The following PLCB1 variants were observed in gnomAD, a reference collection of about 807,000 sequenced individuals.
The protein encoded by PLCB1 is phospholipase C beta 1.
PLCB1 carries 46 observed loss-of-function variants against 161.8 expected under a neutral mutation model. That is an observed-to-expected ratio of 0.28 (90% CI 0.22 to 0.36). The LOEUF is 0.36. Ranked by LOEUF, PLCB1 falls within the 10% of genes least tolerant of loss-of-function variation. The pLI is 1.00. For missense variants in PLCB1, 1,016 were observed against 1,472.5 expected, an observed-to-expected ratio of 0.69 and a Z score of 5.07; for synonymous variants, 517 against 503.7, an observed-to-expected ratio of 1.03 and a Z score of -0.35.
At chr20:8,575,427 G>A (rs1321554668) in intron 3 of PLCB1, among the ~76,000 whole-genome samples, 1 of 152,166 alleles carries the variant, frequency 6.6e-6, no homozygotes, top group Admixed American at 6.5e-5. Context: ...CATAGACAGA[G>A]CCCATATGAC....
At chr20:8,724,281 C>CTA (rs1474428469) in intron 15 of PLCB1, among the ~76,000 whole-genome samples, 3 of 152,010 alleles carry the variant, frequency 2.0e-5, no homozygotes, top group Non-Finnish European at 4.4e-5. Context: ...GGAAGATGAG[C>CTA]TATAGCTCAG....
chr20:8,694,683 T>C (rs1990549280), intron 10 of PLCB1, among the ~76,000 whole-genome samples: 1 of 152,242 alleles, frequency 6.6e-6, no homozygotes, highest in African/African-American at 2.4e-5. Flanking sequence ...TTCTTCACAC[T>C]ATCCTTACTA....
rs769913295 is a variant in PLCB1 at position 8,750,933 on chromosome 20, CTTTTTTT to C, written c.2524-6099_2524-6093del. 2.4e-3 allele frequency: 1,004 copies of C among 413,578 alleles called. 9 individuals are homozygous for C. The African/African-American group carries it at 0.028, about 11-fold the overall frequency. 25.6% of individuals were successfully genotyped at this position (413,578 alleles called of 1,614,324 possible). A position where few individuals can be genotyped will look rare whatever the true frequency, so the allele number is the denominator to read the frequency against. ...GTCATAAGGTAAAAAGAACTGCACTCTTTTTTTTTTTTTTTTTTTTGAGACGGAGTCT... is the reference window on the plus strand; with the variant it reads ...GTCATAAGGTAAAAAGAACTGCACTCTTTTTTTTTTTTTGAGACGGAGTCT... On this transcript the variant is annotated intron_variant, in intron 23 of 31. Coordinates refer to ENST00000338037, the MANE Select transcript of PLCB1 (RefSeq NM_015192.4).
intron 1 of PLCB1, among the ~76,000 whole-genome samples, chr20:8,133,103 C>A (rs1180211818): frequency 1.3e-5 from 2 of 152,102 alleles, no homozygotes; most frequent in Non-Finnish European, 2.9e-5. Context: ...CTGGAAAGCG[C>A]CTGGTGTGAA....
rs1983421410 is a variant in PLCB1, at chr20:8,292,329, T to G, written c.178-79053T>G. On this transcript the variant is annotated intron_variant, in intron 2 of 31. Coordinates refer to ENST00000338037, the MANE Select transcript of PLCB1 (RefSeq NM_015192.4). ...AATGTCTGGTAATAGGCTTATTTGT[T>G]ACCTTAAACATATTTGTTCAAGCAC... Among the ~76,000 whole-genome samples the G allele has an allele frequency of 2.6e-5, 4 of 152,144 alleles. No individual in the cohort carries two copies. In the South Asian group the frequency reaches 6.2e-4, roughly 24 times the overall value.
intron 9 of PLCB1, among the ~76,000 whole-genome samples, chr20:8,676,105 C>A (rs1054163257): frequency 6.6e-6 from 1 of 152,260 alleles, no homozygotes; most frequent in Non-Finnish European, 1.5e-5. Context: ...CGCGGCGGCT[C>A]CCGCCTGCGA....
At chr20:8,831,504 A>G (rs1413736104) in intron 31 of PLCB1, 1 of 152,238 alleles carries the variant, frequency 6.6e-6, no homozygotes, top group Non-Finnish European at 1.5e-5. Flanking sequence ...AGTGGAGTCC[A>G]TCACTAAGAC....
chr20:8,167,618 G>T (rs1028760828), intron 2 of PLCB1, among the ~76,000 whole-genome samples: 2 of 152,152 alleles, frequency 1.3e-5, no homozygotes, highest in African/African-American at 4.8e-5. Flanking sequence ...AGATAGTGAC[G>T]TAGTTGAATG....
At chr20:8,147,849 T>G (rs1046385456) in intron 1 of PLCB1, among the ~76,000 whole-genome samples, 1 of 151,620 alleles carries the variant, frequency 6.6e-6, no homozygotes, top group Non-Finnish European at 1.5e-5. Context: ...TAGAACAGTG[T>G]TCCTAAATAT....
chr20:8,829,336 A>G lies in PLCB1; in HGVS notation c.3423+39075A>G, dbSNP rs189600287. ...GCACAAATGCAAGTTCCCAGTTCCC[A>G]TCTCCTCAGTGTGTGCCCGCTGACC... On this transcript the variant is annotated intron_variant, in intron 31 of 31. Coordinates refer to ENST00000338037, the MANE Select transcript of PLCB1 (RefSeq NM_015192.4). Among the ~76,000 whole-genome samples the G allele has an allele frequency of 1.8e-3, 273 of 152,234 alleles. 1 individual carries two copies. The highest frequency in any genetic ancestry group is 3.9e-3 in the Admixed American group (60 of 15,292).
At chr20:8,539,633 T>TTTCTTTCTTTCTTTCTTTCTTTCC (rs1985205331) in intron 3 of PLCB1, among the ~76,000 whole-genome samples, 2 of 87,198 alleles carry the variant, frequency 2.3e-5, no homozygotes, top group African/African-American at 9.8e-5. Flanking sequence ...TCTTTCTTTC[T>TTTCTTTCTTTCTTTCTTTCTTTCC]TTCTTTCTTT....
chr20:8,630,639 A>G (rs1988556248), intron 4 of PLCB1, among the ~76,000 whole-genome samples: 1 of 152,218 alleles, frequency 6.6e-6, no homozygotes, highest in Non-Finnish European at 1.5e-5. Flanking sequence ...ACAGATTCTA[A>G]GTGTTTGCAA....
chr20:8,203,481 A>C (rs1362604900), intron 2 of PLCB1, among the ~76,000 whole-genome samples: 6 of 152,080 alleles, frequency 3.9e-5, no homozygotes, highest in Non-Finnish European at 7.4e-5. Context: ...CTGCTTAACT[A>C]TTTAGGTGGA....
intron 31 of PLCB1, among the ~76,000 whole-genome samples, chr20:8,849,262 CT>C (rs756512324): frequency 6.6e-6 from 1 of 152,290 alleles, no homozygotes; most frequent in Non-Finnish European, 1.5e-5. Flanking sequence ...ACTGAGCTGT[CT>C]TCTGTAATCA....
intron 3 of PLCB1, among the ~76,000 whole-genome samples, chr20:8,482,346 C>T (rs369789018): frequency 1.1e-4 from 16 of 152,162 alleles, no homozygotes; most frequent in African/African-American, 3.9e-4. Flanking sequence ...TTGTGATCCA[C>T]TCACCTCGGC....
chr20:8,411,745 C>A (rs924060125), intron 3 of PLCB1, among the ~76,000 whole-genome samples: 16 of 152,042 alleles, frequency 1.1e-4, no homozygotes, highest in African/African-American at 3.9e-4. Flanking sequence ...ATTTCCTGGC[C>A]GGGCACGGTG....
chr20:8,791,284 CATATA>C (rs1983745993), intron 31 of PLCB1, among the ~76,000 whole-genome samples: 1 of 152,082 alleles, frequency 6.6e-6, no homozygotes, highest in African/African-American at 2.4e-5. Flanking sequence ...CTCCTATAAA[CATATA>C]ATGTAGATCT....
chr20:8,556,177 T>G (rs1985947145), intron 3 of PLCB1, among the ~76,000 whole-genome samples: 1 of 151,996 alleles, frequency 6.6e-6, no homozygotes, highest in Non-Finnish European at 1.5e-5. Context: ...GCGGCCACAT[T>G]CTCTCTATGG....
intron 2 of PLCB1, among the ~76,000 whole-genome samples, chr20:8,202,117 G>A (rs6039089): frequency 0.044 from 3,921 of 88,836 alleles, 190 homozygotes; most frequent in African/African-American, 0.15. Context: ...TCACTCTGTC[G>A]CCCAGACTGG....
Sources: allele counts gnomAD v4.1 joint callset (sites outside exome capture counted in the v4.1 genomes callset), GRCh38; gene constraint gnomAD v4.1.1; transcripts MANE v1.5; gene names NCBI Gene and HGNC (gene_info 2026-07-23, HGNC 2026-07-21).